Variants in DMXL2 observed in about 807,000 individuals in gnomAD.
DMXL2 encodes dmX-like protein 2.
In DMXL2, 103 loss-of-function variants were observed where a neutral mutation model predicts 331.1. The ratio of observed to expected loss-of-function variants is 0.31; its 90% CI spans 0.27 to 0.37. DMXL2 has a LOEUF of 0.37. Ranked by LOEUF, DMXL2 falls within the 10% of genes least tolerant of loss-of-function variation. The pLI, the probability that DMXL2 is intolerant of heterozygous loss-of-function variation, is 1.00. For synonymous variants in DMXL2, 1,281 were observed against 1,252.1 expected, an observed-to-expected ratio of 1.02 and a Z score of -0.49; for missense variants, 3,171 against 3,642.9, an observed-to-expected ratio of 0.87 and a Z score of 3.33.
intron 30 of DMXL2, 22 bp downstream of exon 30, chr15:51,466,162 G>A: frequency 6.5e-7 from 1 of 1,529,932 alleles, no homozygotes; most frequent in Non-Finnish European, 8.7e-7. Flanking sequence ...AAAAAAATGA[G>A]AGAAAGAAAA....
chr15:51,574,364 C>T (rs138858351), intron 2 of DMXL2, among the ~76,000 whole-genome samples: 1 of 152,178 alleles, frequency 6.6e-6, no homozygotes, highest in Non-Finnish European at 1.5e-5. Flanking sequence ...GACCAAAAAC[C>T]GTCCTTTCTG....
intron 1 of DMXL2, among the ~76,000 whole-genome samples, chr15:51,594,372 T>C (rs1186763665): frequency 6.6e-6 from 1 of 151,788 alleles, no homozygotes; most frequent in Non-Finnish European, 1.5e-5. Flanking sequence ...CAGGAAGAAG[T>C]TGAATCTCTG....
chr15:51,572,278 T>G (rs2050725846), intron 2 of DMXL2, among the ~76,000 whole-genome samples: 1 of 129,886 alleles, frequency 7.7e-6, no homozygotes. Flanking sequence ...GGTTCTGAAA[T>G]TGAGGCAATA....
Position 51,498,845 on chromosome 15 carries a change from G to A in DMXL2, c.4379C>T (p.Thr1460Ile). 1.2e-6 allele frequency: 2 copies of A among 1,614,122 alleles called. No homozygotes were observed. Among genetic ancestry groups the A allele is most frequent in the South Asian group, 1.1e-5 (1 of 91,082 alleles). The change falls in exon 18 of 44, where the codon ACA (threonine) becomes ATA (isoleucine). Residue 1460 changes from threonine to isoleucine, a missense_variant. This residue lies in a region of DMXL2 where 1,674 missense variants were observed against 1,780.2 expected (regional missense o/e 0.94). Transcript: ENST00000560891. Reference protein sequence around the residue: ...TKIPQSYEDQTVSQPEDQYSE... With the variant: ...TKIPQSYEDQIVSQPEDQYSE... ...ATACTGATCCTCTGGTTGACTTACT[G>A]TCTGATCTTCATAGCTCTGTGGTAT...
chr15:51,524,287 G>C (rs188271114), intron 13 of DMXL2, among the ~76,000 whole-genome samples: 1 of 152,298 alleles, frequency 6.6e-6, no homozygotes, highest in Admixed American at 6.5e-5. Context: ...TAATTTTCTT[G>C]ATTCCTCAAC....
intron 18 of DMXL2, 125 bp downstream of exon 18, chr15:51,498,427 T>G: frequency 2.3e-6 from 2 of 879,016 alleles, no homozygotes; most frequent in South Asian, 1.8e-5. Context: ...AATTACCTAT[T>G]AAGGAGGTCT....
rs185480100 is a variant in DMXL2, at chr15:51,529,046, A to T, written c.2436+6617T>A. ...AAGAAATTAAAAAGAAAATTGAAAAATTTCTTGAAACAAATGATAATGAAA... is the reference window on the plus strand; with the variant it reads ...AAGAAATTAAAAAGAAAATTGAAAATTTTCTTGAAACAAATGATAATGAAA... On this transcript the variant is annotated intron_variant, in intron 13 of 43. Coordinates refer to ENST00000560891, the MANE Select transcript of DMXL2 (RefSeq NM_001378457.1). 6.6e-5 allele frequency among the ~76,000 whole-genome samples: 10 copies of T among 152,288 alleles called. No individual in the cohort carries two copies. In the East Asian group the frequency reaches 1.9e-3, roughly 29 times the overall value.
chr15:51,599,725 A>C (rs1270390903), intron 1 of DMXL2, among the ~76,000 whole-genome samples: 2 of 150,620 alleles, frequency 1.3e-5, no homozygotes, highest in Non-Finnish European at 3.0e-5. Flanking sequence ...TTTGAGATGG[A>C]GTCTCGCTTT....
rs1460667910 is a variant in DMXL2 at position 51,502,964 on chromosome 15, G to A, written c.2834C>T (p.Ser945Phe). 6.2e-7 allele frequency: 1 copy of A among 1,613,938 alleles called. No homozygotes were observed. Among genetic ancestry groups the A allele is most frequent in the African/African-American group, 1.3e-5 (1 of 74,926 alleles). Residue 945 changes from serine (S) to phenylalanine (F), a missense_variant, in exon 17 of 44, where the codon TCT becomes TTT. By Grantham distance (155) the Ser-to-Phe change is radical (BLOSUM62 -2). Coordinates refer to ENST00000560891, the MANE Select transcript of DMXL2 (RefSeq NM_001378457.1). ...GCTCACACTAGGAGAGGTTTCTGGAGAAGAATCTACGTTCTTCTGTCCAGG... is the reference window on the plus strand; with the variant it reads ...GCTCACACTAGGAGAGGTTTCTGGAAAAGAATCTACGTTCTTCTGTCCAGG... ...SVPGQKNVDS[S>F]PETSPSVSPM... is the part of the protein sequence containing the mutation.
chr15:51,534,143 C>A (rs766338822), intron 13 of DMXL2, among the ~76,000 whole-genome samples: 2 of 151,992 alleles, frequency 1.3e-5, no homozygotes, highest in Admixed American at 1.3e-4. Flanking sequence ...CAATTACATA[C>A]GAAGAATGTG....
At chr15:51,603,220 G>A (rs1052943797) in intron 1 of DMXL2, among the ~76,000 whole-genome samples, 2 of 152,064 alleles carry the variant, frequency 1.3e-5, no homozygotes. Context: ...AGCAAGATAG[G>A]CAAAGAGAAA....
chr15:51,565,216 C>T, intron 3 of DMXL2, 50 bp from the exon 4 acceptor site: 1 of 1,220,926 alleles, frequency 8.2e-7, no homozygotes. Context: ...AGATGTTTTT[C>T]AAATAATATC....
chr15:51,507,433 T>C (rs1401321898), intron 15 of DMXL2, among the ~76,000 whole-genome samples, 180 bp from the exon 16 acceptor site: 2 of 152,198 alleles, frequency 1.3e-5, no homozygotes, highest in Non-Finnish European at 2.9e-5. Context: ...TATCAAGGAC[T>C]AATGAAATTA....
At chr15:51,526,503 C>G (rs191651715) in intron 13 of DMXL2, among the ~76,000 whole-genome samples, 2 of 152,314 alleles carry the variant, frequency 1.3e-5, no homozygotes, top group East Asian at 3.9e-4. Context: ...CAAAGAACAT[C>G]TACAACTATC....
rs1028769052 is a variant in DMXL2 at position 51,536,203 on chromosome 15, C to T, written c.2277G>A (p.Val759=). Residue 759 remains valine (V), a synonymous_variant, in exon 12 of 44, where the codon GTG becomes GTA. Coordinates refer to ENST00000560891, the MANE Select transcript of DMXL2 (RefSeq NM_001378457.1). ...TGGGAATGAGAGTTGGAAGCCAAGC[C>T]ACATTAGAGAACGCTGAGGTATGTA... ...NSLHTSAFSN[V]AWLPTLIPSY... 2.5e-6 allele frequency: 4 copies of T among 1,603,894 alleles called. No homozygotes were observed. The highest frequency in any genetic ancestry group is 3.4e-6 in the Non-Finnish European group (4 of 1,176,122).
In DMXL2 at chr15:51,537,669, C is replaced by G; in HGVS notation, c.1436G>C (p.Arg479Pro). 6.2e-7 allele frequency: 1 copy of G among 1,613,862 alleles called. No individual in the cohort carries two copies. The highest frequency in any genetic ancestry group is 8.5e-7 in the Non-Finnish European group (1 of 1,179,874). Reference sequence around the variant, plus strand: ...AGGCAGTGGCATTGGTACACTAAGTCGTGAGTAAGTTCTAGGACTTCCTTC... The same window carrying G: ...AGGCAGTGGCATTGGTACACTAAGTGGTGAGTAAGTTCTAGGACTTCCTTC... ...EREGSPRTYS[R>P]LSVPMPLPTV... The change falls in exon 11 of 44, where the codon CGA becomes CCA. Residue 479 changes from arginine to proline, a missense_variant. By Grantham distance (103) the Arg-to-Pro change is moderately radical (BLOSUM62 -2). Coordinates refer to ENST00000560891, the MANE Select transcript of DMXL2 (RefSeq NM_001378457.1).
Position 51,481,580 on chromosome 15 carries a change from G to T in DMXL2, c.5526C>A (p.Asn1842Lys). ...SCNPVAFSFY[N>K]YLRTHPLLIR... ...TGAGCAAAGGATGAGTTCGAAGGTA[G>T]TTATAAAAACTAAATGCCACCGGGT... The change falls in exon 24 of 44, where the codon AAC (asparagine) becomes AAA (lysine). Residue 1842 changes from asparagine (N) to lysine (K), a missense_variant. By Grantham distance (94) the Asn-to-Lys change is moderately conservative. Coordinates refer to ENST00000560891, the MANE Select transcript of DMXL2 (RefSeq NM_001378457.1). 6 of 1,579,850 alleles carry T rather than the reference G, an allele frequency of 3.8e-6. No homozygotes were observed. The highest frequency in any genetic ancestry group is 5.1e-6 in the Non-Finnish European group (6 of 1,167,846).
In DMXL2 at chr15:51,622,748, G is replaced by A. The variant is rs1301500623; in HGVS notation, c.-203C>T. The A allele has an allele frequency of 4.1e-6, 4 of 980,086 alleles. No homozygotes were observed. Among genetic ancestry groups the A allele is most frequent in the South Asian group, 3.5e-5 (2 of 57,110 alleles). The allele number at this position is 980,086 out of a possible 1,614,324, so 60.7% of individuals were successfully genotyped here. A position where few individuals can be genotyped will look rare whatever the true frequency, so the allele number is the denominator to read the frequency against. ...AGCTCCTCGACCGCCGCCGCCGCCC[G>A]GGTCGCCGCTCAGCTGCGGAAATGC... is the stretch of plus-strand genomic sequence containing the variant. On this transcript the variant is annotated 5_prime_UTR_variant, in exon 1 of 44. Transcript: ENST00000560891.
intron 39 of DMXL2, 107 bp downstream of exon 39, chr15:51,455,959 T>A: frequency 7.4e-7 from 1 of 1,345,962 alleles, no homozygotes. Flanking sequence ...TCTACTCAGT[T>A]TAAATCCAGG....
Sources: gnomAD v4.1 joint callset for allele counts (sites outside exome capture counted in the v4.1 genomes callset) on GRCh38, gnomAD v4.1.1 for gene constraint, gnomAD v4.1.1 regional missense constraint, MANE v1.5 for transcripts, NCBI Gene and HGNC (gene_info 2026-07-23, HGNC 2026-07-21) for gene names.